ST18: variants seen among roughly 807,000 people sequenced by gnomAD.
ST18 encodes ST18 C2H2C-type zinc finger transcription factor.
In ST18, 50 loss-of-function variants were observed where a neutral mutation model predicts 110.0. That is an observed-to-expected ratio of 0.45 (90% CI 0.36 to 0.58). ST18 has a LOEUF of 0.58. Among genes scored for constraint, ST18 ranks in the 20% least tolerant of loss-of-function variants. The pLI is 0.00. For synonymous variants in ST18, 461 were observed against 452.4 expected, an observed-to-expected ratio of 1.02 and a Z score of -0.24; for missense variants, 1,306 against 1,280.1, an observed-to-expected ratio of 1.02 and a Z score of -0.31.
chr8:52,167,997 C>T (rs1210678895), intron 10 of ST18, among the ~76,000 whole-genome samples: 1 of 151,778 alleles, frequency 6.6e-6, no homozygotes, highest in South Asian at 2.1e-4. Context: ...ACAGATGAGG[C>T]CTTATTCAGA....
chr8:52,120,631 G>A (rs991210485), intron 23 of ST18, among the ~76,000 whole-genome samples: 1 of 152,190 alleles, frequency 6.6e-6, no homozygotes, highest in Non-Finnish European at 1.5e-5. Context: ...GATGGGAGCA[G>A]GCCATGGGGA....
intron 2 of ST18, among the ~76,000 whole-genome samples, chr8:52,320,289 C>T (rs188111382): frequency 1.3e-5 from 2 of 152,160 alleles, no homozygotes; most frequent in Admixed American, 1.3e-4. Flanking sequence ...ATTCAATAAA[C>T]TGATCTTCTA....
chr8:52,192,897 G>A, intron 8 of ST18, among the ~76,000 whole-genome samples: 1 of 152,158 alleles, frequency 6.6e-6, no homozygotes, highest in African/African-American at 2.4e-5. Context: ...AGAGATAACA[G>A]GCAAGGAAAA....
intron 2 of ST18, among the ~76,000 whole-genome samples, chr8:52,350,126 C>G (rs1193256169): frequency 6.6e-6 from 1 of 152,152 alleles, no homozygotes; most frequent in Non-Finnish European, 1.5e-5. Context: ...GGACAATAGC[C>G]ATCCAGGTCT....
intron 2 of ST18, among the ~76,000 whole-genome samples, chr8:52,292,465 A>G (rs2095570816): frequency 6.6e-6 from 1 of 152,240 alleles, no homozygotes; most frequent in African/African-American, 2.4e-5. Flanking sequence ...AGGAGATGTG[A>G]TGATACTAGA....
intron 2 of ST18, among the ~76,000 whole-genome samples, chr8:52,366,169 A>C (rs983891990): frequency 6.6e-6 from 1 of 152,038 alleles, no homozygotes; most frequent in Non-Finnish European, 1.5e-5. Context: ...CCTCAGTCAC[A>C]ATCAGTTCAG....
intron 2 of ST18, among the ~76,000 whole-genome samples, chr8:52,271,253 T>C (rs919365549): frequency 1.3e-5 from 2 of 152,206 alleles, no homozygotes; most frequent in South Asian, 4.1e-4. Context: ...AGTGTATCCA[T>C]GTATTTAAAG....
At chr8:52,291,308 C>T (rs2095552560) in intron 2 of ST18, among the ~76,000 whole-genome samples, 1 of 152,220 alleles carries the variant, frequency 6.6e-6, no homozygotes, top group Non-Finnish European at 1.5e-5. Context: ...ACGATGCCTA[C>T]AGTGGCTGGC....
At chr8:52,365,532 A>G (rs75799103) in intron 2 of ST18, among the ~76,000 whole-genome samples, 2,017 of 152,286 alleles carry the variant, frequency 0.013, 27 homozygotes, top group Middle Eastern at 0.034. Context: ...AAAAAATGTT[A>G]TATACATAAT....
At chr8:52,372,259 C>T (rs1830537068) in intron 2 of ST18, among the ~76,000 whole-genome samples, 1 of 151,910 alleles carries the variant, frequency 6.6e-6, no homozygotes, top group Non-Finnish European at 1.5e-5. Flanking sequence ...TAGAAAAAAG[C>T]TTGCAGAATA....
rs568697139 is a variant in ST18 at position 52,200,023 on chromosome 8, CTA to C, written c.86+12054_86+12055del. On this transcript the variant is annotated intron_variant, in intron 8 of 25. Transcript: ENST00000689386. The stretch of plus-strand genomic sequence containing the variant: ...CTTGTAGGCTGTTAGCTTTCAAAAA[CTA>C]TGAGTTCCTGTGTCTCATTCCAGTG... Among the ~76,000 whole-genome samples the C allele has an allele frequency of 1.1e-4, 16 of 152,316 alleles. 1 individual carries two copies. The South Asian group carries it at 3.3e-3, about 32-fold the overall frequency.
At chr8:52,366,200 A>G (rs756629594) in intron 2 of ST18, among the ~76,000 whole-genome samples, 8 of 152,056 alleles carry the variant, frequency 5.3e-5, no homozygotes, top group Non-Finnish European at 8.8e-5. Context: ...ACTAGCCCAG[A>G]GCCCACCTGT....
intron 2 of ST18, among the ~76,000 whole-genome samples, chr8:52,316,448 T>C (rs1358040976): frequency 6.6e-6 from 1 of 152,248 alleles, no homozygotes; most frequent in East Asian, 1.9e-4. Context: ...GCAAAACTTT[T>C]TATAATTTGT....
chr8:52,384,425 T>C (rs12550723), intron 2 of ST18, among the ~76,000 whole-genome samples: 118,452 of 151,996 alleles, frequency 0.78, 50,026 homozygotes, highest in Non-Finnish European at 0.93. Context: ...CACTTCGTTC[T>C]TTCCTCCTTC....
intron 2 of ST18, among the ~76,000 whole-genome samples, chr8:52,338,234 A>T (rs1014578282): frequency 7.0e-4 from 106 of 151,212 alleles, no homozygotes; most frequent in Non-Finnish European, 1.3e-3. Flanking sequence ...AATTTTGTAT[A>T]TTTAGTAGAG....
intron 8 of ST18, among the ~76,000 whole-genome samples, chr8:52,207,060 T>A (rs2080344882): frequency 6.6e-6 from 1 of 152,096 alleles, no homozygotes; most frequent in African/African-American, 2.4e-5. Flanking sequence ...TCTAAAAAAA[T>A]TCCAAAATAT....
intron 2 of ST18, among the ~76,000 whole-genome samples, chr8:52,331,448 T>G (rs1809356620): frequency 6.6e-6 from 1 of 152,108 alleles, no homozygotes; most frequent in Non-Finnish European, 1.5e-5. Flanking sequence ...TCCAGAGCAT[T>G]GTATAGGCCT....
chr8:52,307,478 G>A (rs575663213), intron 2 of ST18, among the ~76,000 whole-genome samples: 4 of 152,234 alleles, frequency 2.6e-5, no homozygotes, highest in Non-Finnish European at 5.9e-5. Context: ...TATATCATAA[G>A]AGTATTAACT....
At chr8:52,329,195 G>T (rs757284876) in intron 2 of ST18, among the ~76,000 whole-genome samples, 1 of 150,722 alleles carries the variant, frequency 6.6e-6, no homozygotes, top group South Asian at 2.1e-4. Context: ...GTGTTTCTGG[G>T]TGTGTATTCC....
Sources: allele counts gnomAD v4.1 joint callset (sites outside exome capture counted in the v4.1 genomes callset), GRCh38; gene constraint gnomAD v4.1.1; transcripts MANE v1.5; gene names NCBI Gene and HGNC (gene_info 2026-07-23, HGNC 2026-07-21).